Variants in MLF1 observed in about 807,000 individuals in gnomAD.
MLF1 encodes myeloid leukemia factor 1, also known as myelodysplasia-myeloid leukemia factor 1.
A neutral mutation model predicts 38.3 loss-of-function variants in MLF1; 37 were observed. The observed-to-expected ratio is 0.96, with a 90% CI of 0.74 to 1.27. The LOEUF (loss-of-function observed/expected upper bound fraction) is 1.27, where lower values mean the gene tolerates loss of function less well. Among genes scored for constraint, MLF1 ranks in the 50% most tolerant of loss-of-function variants. The pLI, the probability that MLF1 is intolerant of heterozygous loss-of-function variation, is 0.00. For missense variants in MLF1, 331 were observed against 349.2 expected (o/e 0.95, Z 0.42); for synonymous variants, 95 against 106.5 (o/e 0.89, Z 0.66).
In MLF1 at chr3:158,582,811, G is replaced by A. The variant is rs1716612804; in HGVS notation, c.48-9623G>A. 4.7e-6 allele frequency: 3 copies of A among 642,636 alleles called. No homozygotes were observed. The East Asian group carries it at 8.5e-5, about 18-fold the overall frequency. The allele number at this position is 642,636 out of a possible 1,614,324, so 39.8% of individuals were successfully genotyped here. Reference sequence around the variant, plus strand: ...CAAACAAAAATTTGGTGAATTTGTTGACAGTAGACCTGCCTTGCAAGAAAT... The same window carrying A: ...CAAACAAAAATTTGGTGAATTTGTTAACAGTAGACCTGCCTTGCAAGAAAT... On this transcript the variant is annotated intron_variant, in intron 1 of 7. Transcript: ENST00000466246.
At chr3:158,591,145 T>A (rs752346259) in intron 1 of MLF1, 1 of 496,582 alleles carries the variant, frequency 2.0e-6, no homozygotes, top group East Asian at 5.6e-5. Flanking sequence ...GAGCTGGAGT[T>A]GCAAGGAAAA....
intron 5 of MLF1, 112 bp downstream of exon 5, chr3:158,598,320 G>A: frequency 9.8e-7 from 1 of 1,020,308 alleles, no homozygotes; most frequent in Non-Finnish European, 1.4e-6. Context: ...TGGGGGGACA[G>A]GAGGGAGGTG....
chr3:158,572,241 C>T (rs1349597489), intron 1 of MLF1, among the ~76,000 whole-genome samples: 3 of 12,006 alleles, frequency 2.5e-4, no homozygotes, highest in Non-Finnish European at 4.7e-4. Flanking sequence ...GGTTTTGGAC[C>T]GCGAGGTGGG....
At chr3:158,573,585 C>T (rs1014368675) in intron 1 of MLF1, among the ~76,000 whole-genome samples, 1 of 151,966 alleles carries the variant, frequency 6.6e-6, no homozygotes, top group Non-Finnish European at 1.5e-5. Flanking sequence ...TTGTTACAAA[C>T]ACATTGACAT....
chr3:158,583,067 C>T, intron 1 of MLF1: 1 of 512,526 alleles, frequency 2.0e-6, no homozygotes, highest in Non-Finnish European at 3.4e-6. Flanking sequence ...CCCTTTCCCC[C>T]AAGTGTATAT....
chr3:158,575,280 T>C (rs753482886), intron 1 of MLF1, among the ~76,000 whole-genome samples: 1 of 152,182 alleles, frequency 6.6e-6, no homozygotes, highest in Non-Finnish European at 1.5e-5. Flanking sequence ...AGCTTTTGCA[T>C]AGACCTTTTA....
chr3:158,578,239 A>G (rs1342949252), intron 1 of MLF1, among the ~76,000 whole-genome samples: 1 of 152,134 alleles, frequency 6.6e-6, no homozygotes, highest in Non-Finnish European at 1.5e-5. Context: ...TGTATAATGG[A>G]AGGGAGGAAT....
chr3:158,572,920 C>A (rs116476091), intron 1 of MLF1, among the ~76,000 whole-genome samples: 1 of 151,684 alleles, frequency 6.6e-6, no homozygotes, highest in African/African-American at 2.4e-5. Context: ...CCCGGGGTGC[C>A]TGCTGCTTTC....
rs1718279008 is a variant in MLF1, at chr3:158,592,375, CCTA to C, written c.48-56_48-54del. On this transcript the variant is annotated intron_variant, in intron 1 of 7. Transcript: ENST00000466246. ...AATAATTATTTGTAATATTTACCTGCCTACTTACTATTTAAACTCCAACACTGA... is the reference window on the plus strand; with the variant it reads ...AATAATTATTTGTAATATTTACCTGCCTTACTATTTAAACTCCAACACTGA... 4 of 1,438,512 alleles carry C rather than the reference CCTA, an allele frequency of 2.8e-6. No homozygotes were observed. In the Admixed American group the frequency reaches 6.7e-5, roughly 24 times the overall value. The allele number at this position is 1,438,512 out of a possible 1,614,324, so 89.1% of individuals were successfully genotyped here.
intron 7 of MLF1, 47 bp from the exon 8 acceptor site, chr3:158,605,050 T>C (rs758953862): frequency 4.5e-6 from 6 of 1,326,902 alleles, no homozygotes; most frequent in African/African-American, 1.5e-5. Flanking sequence ...TTATAAACCA[T>C]TGGCCATTTT....
At chr3:158,602,989 A>G (rs1720022841) in intron 7 of MLF1, 50 bp downstream of exon 7, 1 of 1,529,162 alleles carries the variant, frequency 6.5e-7, no homozygotes, top group African/African-American at 1.4e-5. Flanking sequence ...AATTTGAAGT[A>G]AAGTTATGTA....
chr3:158,575,042 C>T (rs1039619792), intron 1 of MLF1, among the ~76,000 whole-genome samples: 2 of 152,076 alleles, frequency 1.3e-5, no homozygotes, highest in Admixed American at 1.3e-4. Flanking sequence ...TGATTCTGAG[C>T]AGAGGCAATG....
intron 5 of MLF1, among the ~76,000 whole-genome samples, chr3:158,598,583 G>T (rs1719256212): frequency 6.6e-6 from 1 of 152,110 alleles, no homozygotes; most frequent in Non-Finnish European, 1.5e-5. Flanking sequence ...TTTAACTCAT[G>T]AAATATTTCA....
chr3:158,595,778 AAC>A (rs1718793157), intron 3 of MLF1, among the ~76,000 whole-genome samples: 1 of 152,270 alleles, frequency 6.6e-6, no homozygotes, highest in South Asian at 2.1e-4. Context: ...ATAGCAATAG[AAC>A]ACAGAGACAC....
chr3:158,591,628 T>A (rs1415429850), intron 1 of MLF1, among the ~76,000 whole-genome samples: 1 of 152,058 alleles, frequency 6.6e-6, no homozygotes, highest in African/African-American at 2.4e-5. Context: ...AAGATTGCCT[T>A]GGTAAAGTGA....
At chr3:158,598,265 C>A in intron 5 of MLF1, 57 bp downstream of exon 5, 1 of 1,513,794 alleles carries the variant, frequency 6.6e-7, no homozygotes, top group Non-Finnish European at 8.9e-7. Flanking sequence ...GATAGACTGT[C>A]TAGATCAAAT....
intron 7 of MLF1, among the ~76,000 whole-genome samples, chr3:158,604,240 A>C (rs1720203648): frequency 1.3e-5 from 2 of 152,206 alleles, no homozygotes; most frequent in South Asian, 4.1e-4. Context: ...TTGATTAAAA[A>C]CCTGGCAGTG....
chr3:158,600,709 A>G (rs113389307), intron 6 of MLF1, among the ~76,000 whole-genome samples: 4 of 151,456 alleles, frequency 2.6e-5, no homozygotes, highest in Admixed American at 1.3e-4. Flanking sequence ...TGGTTACCTT[A>G]AAGTTTTATT....
intron 1 of MLF1, chr3:158,582,724 C>G: frequency 1.9e-6 from 1 of 517,866 alleles, no homozygotes; most frequent in Non-Finnish European, 3.4e-6. Flanking sequence ...ACCCACTGAC[C>G]TAGAATTCTG....
Sources: allele counts gnomAD v4.1 joint callset (sites outside exome capture counted in the v4.1 genomes callset), GRCh38; gene constraint gnomAD v4.1.1; transcripts MANE v1.5; gene names NCBI Gene and HGNC (gene_info 2026-07-23, HGNC 2026-07-21).